The following SMARCC1 variants were observed in gnomAD, a reference collection of about 807,000 sequenced individuals.
SMARCC1 encodes the protein SWI/SNF complex subunit SMARCC1.
SMARCC1 carries 43 observed loss-of-function variants against 147.4 expected under a neutral mutation model. The observed-to-expected ratio is 0.29, with a 90% CI of 0.23 to 0.38. The LOEUF is 0.38. SMARCC1 is among the 10% of genes least tolerant of loss of function. SMARCC1 has a pLI of 1.00. For missense variants in SMARCC1, 1,119 were observed against 1,381.1 expected (o/e 0.81, Z 3.01); for synonymous variants, 495 against 484.4 (o/e 1.02, Z -0.29).
At chr3:47,624,572 G>A (rs2032780364) in intron 24 of SMARCC1, among the ~76,000 whole-genome samples, 1 of 152,214 alleles carries the variant, frequency 6.6e-6, no homozygotes, top group Non-Finnish European at 1.5e-5. Flanking sequence ...CTGTAACAGT[G>A]TGAATAGAGA....
intron 26 of SMARCC1, chr3:47,604,649 CTTTTTCTGAACTGGTAACTTTAAAATAGT>C (rs2032439907): frequency 5.8e-6 from 1 of 172,920 alleles, no homozygotes; most frequent in Non-Finnish European, 1.2e-5. Flanking sequence ...CTAGAACCAG[CTTTTTCTGAACTGGTAACTTTAAAATAGT>C]GGGTTTAATT....
chr3:47,621,019 C>T (rs554318280), intron 25 of SMARCC1, among the ~76,000 whole-genome samples: 40 of 152,002 alleles, frequency 2.6e-4, no homozygotes, highest in African/African-American at 8.4e-4. Context: ...ATAAATTGTT[C>T]GGCCGGGCAT....
At chr3:47,598,862 G>GACACACACAC (rs113400730) in intron 26 of SMARCC1, among the ~76,000 whole-genome samples, 80 of 128,124 alleles carry the variant, frequency 6.2e-4, no homozygotes, top group African/African-American at 1.3e-3. Flanking sequence ...GAGAGAGAGA[G>GACACACACAC]ACACACACAC....
chr3:47,747,095 A>G lies in SMARCC1; in HGVS notation c.316-1102T>C, dbSNP rs529674162. 2.6e-5 allele frequency among the ~76,000 whole-genome samples: 4 copies of G among 152,162 alleles called. No individual in the cohort carries two copies. In the East Asian group the frequency reaches 7.7e-4, roughly 29 times the overall value. ...AGAATCACTTGAGGCCAGGAGTCTG[A>G]GACCAGCTTGGGCAACACAGTGAGA... On this transcript the variant is annotated intron_variant, in intron 2 of 27. Coordinates refer to ENST00000254480, the MANE Select transcript of SMARCC1 (RefSeq NM_003074.4).
At chr3:47,732,891 C>T (rs1201096016) in intron 5 of SMARCC1, among the ~76,000 whole-genome samples, 1 of 151,020 alleles carries the variant, frequency 6.6e-6, no homozygotes, top group Non-Finnish European at 1.5e-5. Flanking sequence ...GGGTGGATCA[C>T]GAGGTCAGGA....
chr3:47,592,498 T>C (rs1008922375), intron 26 of SMARCC1, among the ~76,000 whole-genome samples: 2 of 152,246 alleles, frequency 1.3e-5, no homozygotes, highest in Admixed American at 1.3e-4. Context: ...TGAAAAACAA[T>C]TGATGAGCCA....
At chr3:47,710,624 A>T in intron 9 of SMARCC1, 59 bp downstream of exon 9, 1 of 1,553,694 alleles carries the variant, frequency 6.4e-7, no homozygotes, top group Non-Finnish European at 8.8e-7. Flanking sequence ...ATGAAGATTT[A>T]ATAACATTTA....
In SMARCC1 at chr3:47,587,019, CTG is replaced by C. The variant is rs1323074675; in HGVS notation, c.*1188_*1189del. ...TACCCTCAGCATCTCTTTGAAAACCCTGTGATAGATGGAATGTGAGATCTCAG... is the reference window on the plus strand; with the variant it reads ...TACCCTCAGCATCTCTTTGAAAACCCTGATAGATGGAATGTGAGATCTCAG... On this transcript the variant is annotated 3_prime_UTR_variant, in exon 28 of 28. Coordinates refer to ENST00000254480, the MANE Select transcript of SMARCC1 (RefSeq NM_003074.4). 1 of 152,562 alleles carries C rather than the reference CTG, an allele frequency of 6.6e-6. No homozygotes were observed. The highest frequency in any genetic ancestry group is 6.5e-5 in the Admixed American group (1 of 15,280). The allele number at this position is 152,562 out of a possible 1,614,324, so 9.5% of individuals were successfully genotyped here. A position where few individuals can be genotyped will look rare whatever the true frequency, so the allele number is the denominator to read the frequency against.
At chr3:47,684,189 G>A (rs902346471) in intron 14 of SMARCC1, among the ~76,000 whole-genome samples, 3 of 147,188 alleles carry the variant, frequency 2.0e-5, no homozygotes, top group Admixed American at 1.4e-4. Context: ...GCAGTGAGCC[G>A]AGATCCCGCC....
In SMARCC1 at chr3:47,636,794, G is replaced by A. The variant is rs202169411; in HGVS notation, c.2377-658C>T. 4.4e-3 allele frequency among the ~76,000 whole-genome samples: 229 copies of A among 51,918 alleles called. 1 individual carries two copies. Among genetic ancestry groups the A allele is most frequent in the Admixed American group, 0.01 (49 of 4,806 alleles). 34.1% of individuals were successfully genotyped at this position (51,918 alleles called of 152,430 possible). A position where few individuals can be genotyped will look rare whatever the true frequency, so the allele number is the denominator to read the frequency against. On this transcript the variant is annotated intron_variant, in intron 22 of 27. Transcript: ENST00000254480. ...ACCACAACAAAATATATATATGTGT[G>A]TGTGTGTGTGTGTGTGTGTGTGTGT...
intron 21 of SMARCC1, among the ~76,000 whole-genome samples, chr3:47,654,007 G>A (rs1400118502): frequency 6.6e-6 from 1 of 152,172 alleles, no homozygotes; most frequent in Non-Finnish European, 1.5e-5. Context: ...AAGGTTGCTA[G>A]ATACTTCAGT....
intron 9 of SMARCC1, 40 bp downstream of exon 9, chr3:47,710,643 A>C (rs1559651330): frequency 1.2e-6 from 2 of 1,602,542 alleles, no homozygotes; most frequent in South Asian, 1.1e-5. Flanking sequence ...TAGGCCAAGA[A>C]GACAGACTTA....
At chr3:47,617,508 C>G (rs773608739) in intron 25 of SMARCC1, among the ~76,000 whole-genome samples, 1 of 152,180 alleles carries the variant, frequency 6.6e-6, no homozygotes, top group Non-Finnish European at 1.5e-5. Flanking sequence ...GTTTGCATAA[C>G]GGGAGGCATA....
chr3:47,764,198 G>A (rs1306204198), intron 2 of SMARCC1, among the ~76,000 whole-genome samples: 5 of 151,946 alleles, frequency 3.3e-5, no homozygotes, highest in African/African-American at 4.8e-5. Flanking sequence ...CACCATGCAC[G>A]ACTAATTTTT....
intron 24 of SMARCC1, among the ~76,000 whole-genome samples, chr3:47,631,770 G>C (rs1158091840): frequency 6.6e-6 from 1 of 152,160 alleles, no homozygotes; most frequent in Non-Finnish European, 1.5e-5. Flanking sequence ...GCTGTTTATA[G>C]ACACAGAAGA....
chr3:47,681,071 A>C (rs917368360), intron 14 of SMARCC1, among the ~76,000 whole-genome samples: 3 of 152,162 alleles, frequency 2.0e-5, no homozygotes, highest in Non-Finnish European at 2.9e-5. Context: ...CACACTGAAA[A>C]CTATACATTT....
At chr3:47,679,826 C>T (rs1338518405) in intron 15 of SMARCC1, among the ~76,000 whole-genome samples, 4 of 140,038 alleles carry the variant, frequency 2.9e-5, no homozygotes, top group African/African-American at 1.1e-4. Context: ...TGCAACACTG[C>T]ACTCCAGTCT....
At chr3:47,679,739 G>A (rs1056920299) in intron 15 of SMARCC1, among the ~76,000 whole-genome samples, 1 of 151,804 alleles carries the variant, frequency 6.6e-6, no homozygotes, top group Non-Finnish European at 1.5e-5. Context: ...GTGCATGCCT[G>A]TAGTCTCAAC....
At chr3:47,685,137 T>TA (rs1269389201) in intron 14 of SMARCC1, among the ~76,000 whole-genome samples, 2 of 152,112 alleles carry the variant, frequency 1.3e-5, no homozygotes, top group African/African-American at 4.8e-5. Context: ...GGCCACTAAC[T>TA]AAAATAGGGG....
Sources: gnomAD v4.1 joint callset for allele counts (sites outside exome capture counted in the v4.1 genomes callset) on GRCh38, gnomAD v4.1.1 for gene constraint, MANE v1.5 for transcripts, NCBI Gene and HGNC (gene_info 2026-07-23, HGNC 2026-07-21) for gene names.